Variants in BARD1 observed in about 807,000 individuals in gnomAD.
BARD1 encodes BRCA1-associated RING domain protein 1.
A neutral mutation model predicts 77.0 loss-of-function variants in BARD1; 73 were observed. The ratio of observed to expected loss-of-function variants is 0.95; its 90% CI spans 0.79 to 1.15. The LOEUF is 1.15. Among genes scored for constraint, BARD1 ranks in the 50% most tolerant of loss-of-function variants. The probability of loss-of-function intolerance (pLI) is 0.00; values close to 1 mark genes in which losing one functional copy is unlikely to be tolerated. For missense variants in BARD1, 993 were observed against 938.8 expected (o/e 1.06, Z -0.75); for synonymous variants, 384 against 338.0 (o/e 1.14, Z -1.49).
intron 6 of BARD1, 35 bp from the exon 7 acceptor site, chr2:214,752,590 C>A: frequency 6.7e-7 from 1 of 1,503,202 alleles, no homozygotes; most frequent in South Asian, 1.1e-5. Flanking sequence ...TTAAGTAAGT[C>A]AAATGTGTGA....
At chr2:214,788,472 T>G (rs1237003703) in intron 3 of BARD1, among the ~76,000 whole-genome samples, 1 of 152,102 alleles carries the variant, frequency 6.6e-6, no homozygotes, top group Non-Finnish European at 1.5e-5. Flanking sequence ...CTTCTTTATC[T>G]CCAGTATACC....
intron 7 of BARD1, among the ~76,000 whole-genome samples, chr2:214,746,173 T>C (rs897556041): frequency 1.3e-5 from 2 of 152,178 alleles, no homozygotes; most frequent in African/African-American, 2.4e-5. Context: ...ACTTAAAATA[T>C]CCACTTAAAA....
intron 4 of BARD1, among the ~76,000 whole-genome samples, chr2:214,770,219 C>A (rs530215235): frequency 6.6e-6 from 1 of 152,124 alleles, no homozygotes; most frequent in African/African-American, 2.4e-5. Context: ...ATTTTTTATC[C>A]CCCTGCTCCC....
At chr2:214,793,915 T>C (rs938637012) in intron 2 of BARD1, among the ~76,000 whole-genome samples, 9 of 152,064 alleles carry the variant, frequency 5.9e-5, no homozygotes, top group Non-Finnish European at 1.0e-4. Context: ...TAAAAATTTA[T>C]TGATATAGTT....
chr2:214,751,093 G>C (rs1346190515), intron 7 of BARD1, among the ~76,000 whole-genome samples: 3,027 of 13,194 alleles, frequency 0.23, 526 homozygotes, highest in East Asian at 0.35. Context: ...GTGTGTGTGT[G>C]TGTGTGTGTG....
In BARD1 at chr2:214,809,463, T is replaced by G. The variant is rs864622635; in HGVS notation, c.107A>C (p.His36Pro). 6.2e-7 allele frequency: 1 copy of G among 1,611,128 alleles called. No homozygotes were observed. Among genetic ancestry groups the G allele is most frequent in the South Asian group, 1.1e-5 (1 of 90,856 alleles). ...CAGGCGGTCGAGCGCGGCGCGACTGTGGGCCCAGGCACCGCGACCATCCGG... is the reference window on the plus strand; with the variant it reads ...CAGGCGGTCGAGCGCGGCGCGACTGGGGGCCCAGGCACCGCGACCATCCGG... ...MEPDGRGAWA[H>P]SRAALDRLEK... is the part of the protein sequence containing the mutation. Residue 36 changes from histidine to proline, a missense_variant, in exon 1 of 11, where the codon CAC becomes CCC. His to Pro is a moderately conservative substitution (Grantham distance 77, BLOSUM62 -2). Coordinates refer to ENST00000260947, the MANE Select transcript of BARD1 (RefSeq NM_000465.4).
rs180851448 is a variant in BARD1, at chr2:214,733,444, T to C, written c.1904-2936A>G. On this transcript the variant is annotated intron_variant, in intron 9 of 10. Transcript: ENST00000260947. ...CATAAAGTTGTGTCTGCGTTTAGAC[T>C]GTGAGCCATCATGTTAGGTCGTGTG... Among the ~76,000 whole-genome samples, 4 of 152,336 alleles carry C rather than the reference T, an allele frequency of 2.6e-5. No homozygotes were observed. The East Asian group carries it at 7.7e-4, about 29-fold the overall frequency.
Position 214,792,457 on chromosome 2 carries a change from T to C in BARD1, c.216-12A>G. The C allele has an allele frequency of 6.9e-7, 1 of 1,453,568 alleles. No individual in the cohort carries two copies. The allele number at this position is 1,453,568 out of a possible 1,614,324, so 90.0% of individuals were successfully genotyped here. A position where few individuals can be genotyped will look rare whatever the true frequency, so the allele number is the denominator to read the frequency against. ...CACTTACACAATTACTTTAAAATAATTAAAAAAAAAAAAAAAAGCAACCCA... is the reference window on the plus strand; with the variant it reads ...CACTTACACAATTACTTTAAAATAACTAAAAAAAAAAAAAAAAGCAACCCA... On this transcript the variant is annotated splice_polypyrimidine_tract_variant and intron_variant, in intron 2 of 10. Transcript: ENST00000260947.
chr2:214,795,747 G>C (rs899696730), intron 2 of BARD1, among the ~76,000 whole-genome samples: 4 of 152,172 alleles, frequency 2.6e-5, no homozygotes, highest in African/African-American at 9.7e-5. Context: ...AAGCAACCTA[G>C]CAGTAACTGG....
Position 214,781,454 on chromosome 2 carries a change from C to A in BARD1, c.420G>T (p.Lys140Asn), listed in dbSNP as rs758749603. The A allele has an allele frequency of 1.9e-6, 3 of 1,612,904 alleles. No individual in the cohort carries two copies. The highest frequency in any genetic ancestry group is 1.7e-5 in the Admixed American group (1 of 59,856). ...GGCTAAACCACATTTTAATTGAATT[C>A]TTCTTGTTTCCTGCATCATTAAACA... ...KSLFNDAGNK[K>N]NSIKMWFSPR... Residue 140 changes from lysine (K) to asparagine (N), a missense_variant, in exon 4 of 11, where the codon AAG (lysine) becomes AAT (asparagine). Physicochemically the swap from Lys to Asn is moderately conservative, Grantham distance 94. Transcript: ENST00000260947.
intron 7 of BARD1, among the ~76,000 whole-genome samples, chr2:214,749,122 C>T (rs561178041): frequency 1.1e-3 from 168 of 151,244 alleles, no homozygotes; most frequent in Admixed American, 3.5e-3. Flanking sequence ...TCTGCTAAGA[C>T]GATGCTAGAG....
intron 3 of BARD1, among the ~76,000 whole-genome samples, chr2:214,791,251 T>C (rs115541264): frequency 0.015 from 2,243 of 152,312 alleles, 13 homozygotes; most frequent in Middle Eastern, 0.031. Flanking sequence ...TAAGTTCTAA[T>C]TCTTAAAAAT....
At chr2:214,768,778 T>A (rs1217284448) in intron 5 of BARD1, among the ~76,000 whole-genome samples, 1 of 152,250 alleles carries the variant, frequency 6.6e-6, no homozygotes, top group African/African-American at 2.4e-5. Context: ...AAGCAAAGAT[T>A]TCTACTGCCT....
intron 6 of BARD1, among the ~76,000 whole-genome samples, chr2:214,764,102 T>G (rs1694087042): frequency 6.6e-6 from 1 of 152,194 alleles, no homozygotes; most frequent in South Asian, 2.1e-4. Context: ...GAAACTTGGT[T>G]TTAGACATCT....
At chr2:214,748,864 T>G (rs1229876356) in intron 7 of BARD1, among the ~76,000 whole-genome samples, 2 of 61,234 alleles carry the variant, frequency 3.3e-5, no homozygotes. Context: ...TGTTCCTTCA[T>G]GCATTCAGCA....
At position 214,728,600 on chromosome 2, in the gene BARD1, A is replaced by C; in HGVS notation, c.*76T>G. 2.2e-6 allele frequency: 3 copies of C among 1,393,182 alleles called. No homozygotes were observed. The South Asian group carries it at 3.6e-5, about 17-fold the overall frequency. 86.3% of individuals were successfully genotyped at this position (1,393,182 alleles called of 1,614,324 possible). On this transcript the variant is annotated 3_prime_UTR_variant, in exon 11 of 11. Transcript: ENST00000260947. ...ACTCTACCTATTTGTAAAAATGTGA[A>C]CATTAAAAACAGTACAATGACTGGG...
chr2:214,781,544 G>A (rs753335471), intron 3 of BARD1, 35 bp from the exon 4 acceptor site: 1 of 1,561,134 alleles, frequency 6.4e-7, no homozygotes, highest in Non-Finnish European at 8.8e-7. Flanking sequence ...TCTGTTACAT[G>A]AAATTTATTG....
intron 9 of BARD1, among the ~76,000 whole-genome samples, chr2:214,731,761 GTTC>G (rs2105993194): frequency 6.6e-6 from 1 of 152,226 alleles, no homozygotes; most frequent in African/African-American, 2.4e-5. Flanking sequence ...TCACCTATGC[GTTC>G]TTCAGAATTT....
chr2:214,752,568 G>C lies in BARD1; in HGVS notation c.1569-13C>G, dbSNP rs587780018. The C allele has an allele frequency of 7.5e-6, 12 of 1,590,798 alleles. No individual in the cohort carries two copies. The highest frequency in any genetic ancestry group is 1.0e-5 in the Non-Finnish European group (12 of 1,159,082). ...ACCAAATATATTACTGGTAAAATAA[G>C]TGCAGATGTGTTTAAGTAAGTCAAA... On this transcript the variant is annotated splice_polypyrimidine_tract_variant and intron_variant, in intron 6 of 10. Coordinates refer to ENST00000260947, the MANE Select transcript of BARD1 (RefSeq NM_000465.4).
Sources: gnomAD v4.1 joint callset for allele counts (sites outside exome capture counted in the v4.1 genomes callset) on GRCh38, gnomAD v4.1.1 for gene constraint, MANE v1.5 for transcripts, NCBI Gene and HGNC (gene_info 2026-07-23, HGNC 2026-07-21) for gene names.